Variants in PKHD1L1 observed in about 807,000 individuals in gnomAD.
The protein encoded by PKHD1L1 is fibrocystin-L.
In PKHD1L1, 434 loss-of-function variants were observed where a neutral mutation model predicts 462.9. The ratio of observed to expected loss-of-function variants is 0.94; its 90% CI spans 0.87 to 1.02. The LOEUF (loss-of-function observed/expected upper bound fraction) is 1.02, where lower values mean the gene tolerates loss of function less well. Among genes scored for constraint, PKHD1L1 ranks in the 50% least tolerant of loss-of-function variants. The pLI is 0.00. For synonymous variants in PKHD1L1, 1,781 were observed against 1,750.0 expected (o/e 1.02, Z -0.44); for missense variants, 5,202 against 5,096.1 (o/e 1.02, Z -0.63).
chr8:109,379,864 A>C (rs1455049625), intron 2 of PKHD1L1, among the ~76,000 whole-genome samples: 2 of 152,184 alleles, frequency 1.3e-5, no homozygotes, highest in Non-Finnish European at 2.9e-5. Flanking sequence ...TCATAAAGAA[A>C]TAGGGTTGCT....
Position 109,507,973 on chromosome 8 carries a change from C to G in PKHD1L1, c.11227+78C>G, listed in dbSNP as rs73313183. ...ATATGTTTTATTTTTAATGACTTGC[C>G]TACTCAACCAATAACTTTTATTTTC... On this transcript the variant is annotated intron_variant, in intron 69 of 77. Transcript: ENST00000378402. 3,782 of 1,524,964 alleles carry G rather than the reference C, an allele frequency of 2.5e-3. 83 individuals carry two copies. The African/African-American group carries it at 0.045, about 18-fold the overall frequency. 94.5% of individuals were successfully genotyped at this position (1,524,964 alleles called of 1,614,324 possible). A position where few individuals can be genotyped will look rare whatever the true frequency, so the allele number is the denominator to read the frequency against.
chr8:109,459,728 G>A lies in PKHD1L1; in HGVS notation c.7138G>A (p.Glu2380Lys). The change falls in exon 47 of 78, where the codon GAA becomes AAA. Residue 2380 changes from glutamate to lysine, a missense_variant. Glu to Lys is a moderately conservative substitution (Grantham distance 56). This residue lies in a region of PKHD1L1 where 4,497 missense variants were observed against 4,336.8 expected (regional missense o/e 1.04). Transcript: ENST00000378402. ...CACACTCCCTGATGGAACTCTGTTT[G>A]AAGCAAGAGCAGAAGTTGGAATTCT... is the stretch of plus-strand genomic sequence containing the variant. ...TVTLPDGTLF[E>K]ARAEVGILTR... The A allele has an allele frequency of 1.2e-6, 2 of 1,612,110 alleles. No individual in the cohort carries two copies. Among genetic ancestry groups the A allele is most frequent in the Non-Finnish European group, 1.7e-6 (2 of 1,178,916 alleles).
chr8:109,412,255 G>A lies in PKHD1L1; in HGVS notation c.2086-10G>A, dbSNP rs1376433339. On this transcript the variant is annotated splice_polypyrimidine_tract_variant and intron_variant, in intron 19 of 77. Transcript: ENST00000378402. The stretch of plus-strand genomic sequence containing the variant: ...TCATGTTTTCATTTGAAATATTATT[G>A]TTTCGGTAGGAACATATTAACAGAG... The A allele has an allele frequency of 1.2e-6, 2 of 1,610,642 alleles. No individual in the cohort carries two copies. Among genetic ancestry groups the A allele is most frequent in the Admixed American group, 1.7e-5 (1 of 59,238 alleles).
At chr8:109,511,841 A>C (rs373130251) in intron 71 of PKHD1L1, among the ~76,000 whole-genome samples, 2 of 151,662 alleles carry the variant, frequency 1.3e-5, no homozygotes, top group South Asian at 4.2e-4. Context: ...TTTCTCCACA[A>C]CCTCTCCAGC....
chr8:109,425,234 T>C lies in PKHD1L1; in HGVS notation c.2845+2T>C. ...AAGCTTATGGACATATTCTTAAAGGTATATGAAAAAAATTTAAAATATTGG... is the reference window on the plus strand; with the variant it reads ...AAGCTTATGGACATATTCTTAAAGGCATATGAAAAAAATTTAAAATATTGG... On this transcript the variant is annotated splice_donor_variant, in intron 24 of 77. Transcript: ENST00000378402. LOFTEE classifies it high-confidence loss of function. 6.4e-7 allele frequency: 1 copy of C among 1,568,038 alleles called. No individual in the cohort carries two copies. Among genetic ancestry groups the C allele is most frequent in the Non-Finnish European group, 8.6e-7 (1 of 1,162,794 alleles).
At chr8:109,485,202 T>C in intron 58 of PKHD1L1, 29 bp downstream of exon 58, 2 of 1,472,078 alleles carry the variant, frequency 1.4e-6, no homozygotes, top group Non-Finnish European at 1.8e-6. Context: ...ACCAAATAGA[T>C]ATATAATTGT....
At chr8:109,524,343 T>G (rs1820710373) in intron 76 of PKHD1L1, among the ~76,000 whole-genome samples, 1 of 152,174 alleles carries the variant, frequency 6.6e-6, no homozygotes, top group African/African-American at 2.4e-5. Flanking sequence ...GGCAGCAATA[T>G]CTCAGCCTAA....
chr8:109,371,111 C>T (rs369467596), intron 2 of PKHD1L1, among the ~76,000 whole-genome samples: 1 of 152,180 alleles, frequency 6.6e-6, no homozygotes, highest in Non-Finnish European at 1.5e-5. Context: ...CTAGTTTACA[C>T]TCCCACCAAC....
At chr8:109,491,191 T>A in intron 61 of PKHD1L1, 90 bp downstream of exon 61, 3 of 1,289,282 alleles carry the variant, frequency 2.3e-6, no homozygotes, top group Non-Finnish European at 1.0e-6. Context: ...AATTGATCTT[T>A]CTGTGAGGAT....
At chr8:109,517,640 T>C (rs760678838) in intron 72 of PKHD1L1, among the ~76,000 whole-genome samples, 1 of 152,136 alleles carries the variant, frequency 6.6e-6, no homozygotes, top group African/African-American at 2.4e-5. Flanking sequence ...GCCTGTTTAG[T>C]TGGTATAAGA....
Position 109,477,390 on chromosome 8 carries a change from C to T in PKHD1L1, c.9083C>T (p.Thr3028Ile). The stretch of plus-strand genomic sequence containing the variant: ...CCAATTCCCAAGAAGCGACCAGCCA[C>T]ATATAAGTACATAGGCCTTTTGTAG... ...RKPIPKKRPA[T>I]YNLWSNDSFW... Residue 3028 changes from threonine to isoleucine, a missense_variant, in exon 53 of 78, where the codon ACA becomes ATA. Physicochemically the swap from Thr to Ile is moderately conservative, Grantham distance 89 (BLOSUM62 -1). Coordinates refer to ENST00000378402, the MANE Select transcript of PKHD1L1 (RefSeq NM_177531.6). 1 of 1,611,690 alleles carries T rather than the reference C, an allele frequency of 6.2e-7. No homozygotes were observed. Among genetic ancestry groups the T allele is most frequent in the Non-Finnish European group, 8.5e-7 (1 of 1,178,264 alleles).
chr8:109,454,246 G>A lies in PKHD1L1; in HGVS notation c.6744G>A (p.Gln2248=). The change falls in exon 44 of 78, where the codon CAG becomes CAA. Residue 2248 remains glutamine (Q), a splice_region_variant and synonymous_variant. Transcript: ENST00000378402. The part of the protein sequence containing the change: ...NILITDGGVL[Q]IGTETSPFQH... The stretch of plus-strand genomic sequence containing the variant: ...TAATTACAGATGGAGGTGTTCTTCA[G>A]GTATTCAAAAGAACATAATACATAT... The A allele has an allele frequency of 5.6e-6, 9 of 1,594,022 alleles. No homozygotes were observed. The highest frequency in any genetic ancestry group is 6.0e-6 in the Non-Finnish European group (7 of 1,168,830).
chr8:109,441,842 A>G (rs1050067202), intron 34 of PKHD1L1, among the ~76,000 whole-genome samples, 165 bp from the exon 35 acceptor site: 1 of 151,076 alleles, frequency 6.6e-6, no homozygotes, highest in African/African-American at 2.4e-5. Flanking sequence ...GCTTTCCATT[A>G]TTTCTATTTG....
chr8:109,476,282 GGAGA>G (rs141699544), intron 51 of PKHD1L1, among the ~76,000 whole-genome samples: 6,393 of 151,156 alleles, frequency 0.042, 285 homozygotes, highest in African/African-American at 0.11. Context: ...CACACACACA[GGAGA>G]GAGAGAGAGA....
intron 3 of PKHD1L1, among the ~76,000 whole-genome samples, 184 bp from the exon 4 acceptor site, chr8:109,382,279 T>C (rs1210797289): frequency 6.6e-6 from 1 of 152,128 alleles, no homozygotes; most frequent in Non-Finnish European, 1.5e-5. Flanking sequence ...GAGTTTGCAA[T>C]AAAGAGTTCA....
intron 21 of PKHD1L1, among the ~76,000 whole-genome samples, chr8:109,418,872 T>C (rs982008534): frequency 6.6e-6 from 1 of 152,202 alleles, no homozygotes; most frequent in Non-Finnish European, 1.5e-5. Flanking sequence ...AGGCTACAAA[T>C]AAAAGAAAGC....
intron 6 of PKHD1L1, among the ~76,000 whole-genome samples, chr8:109,387,872 A>T (rs545337654): frequency 1.3e-5 from 2 of 152,210 alleles, no homozygotes; most frequent in African/African-American, 2.4e-5. Flanking sequence ...ATCTAACACC[A>T]ATCAGTCACC....
chr8:109,383,446 T>C (rs1380608372), intron 4 of PKHD1L1, among the ~76,000 whole-genome samples: 1 of 124,620 alleles, frequency 8.0e-6, no homozygotes, highest in African/African-American at 3.0e-5. Context: ...ATAAATATAT[T>C]ATAAGTATAT....
chr8:109,434,103 G>C (rs564298268), intron 28 of PKHD1L1, among the ~76,000 whole-genome samples: 1 of 152,216 alleles, frequency 6.6e-6, no homozygotes, highest in African/African-American at 2.4e-5. Context: ...CTGTCGAGGG[G>C]TTGGGGGCTA....
Sources: gnomAD v4.1 joint callset for allele counts (sites outside exome capture counted in the v4.1 genomes callset) on GRCh38, gnomAD v4.1.1 for gene constraint, gnomAD v4.1.1 regional missense constraint, MANE v1.5 for transcripts, NCBI Gene and HGNC (gene_info 2026-07-23, HGNC 2026-07-21) for gene names.